The following TERF2 variants were observed in gnomAD, a reference collection of about 807,000 sequenced individuals.
The protein encoded by TERF2 is telomeric repeat-binding factor 2.
Under a neutral mutation model 56.1 loss-of-function variants are expected in TERF2, and 16 were observed. The observed-to-expected ratio is 0.29, with a 90% CI of 0.19 to 0.43. The LOEUF is 0.43. Among genes scored for constraint, TERF2 ranks in the 20% least tolerant of loss-of-function variants. The probability of loss-of-function intolerance (pLI) is 1.00; values close to 1 mark genes in which losing one functional copy is unlikely to be tolerated. For synonymous variants in TERF2, 296 were observed against 282.1 expected, an observed-to-expected ratio of 1.05 and a Z score of -0.50; for missense variants, 547 against 712.9, an observed-to-expected ratio of 0.77 and a Z score of 2.65.
At chr16:69,375,089 T>C (rs967592971) in intron 3 of TERF2, among the ~76,000 whole-genome samples, 1 of 152,186 alleles carries the variant, frequency 6.6e-6, no homozygotes, top group East Asian at 1.9e-4. Context: ...ACACTATCAA[T>C]AGTTCACTTT....
intron 7 of TERF2, chr16:69,365,880 G>A (rs2013325682): frequency 6.6e-6 from 1 of 152,150 alleles, no homozygotes; most frequent in African/African-American, 2.4e-5. Context: ...TACAGGCCAT[G>A]GGCTTTTCTG....
At chr16:69,360,707 A>G (rs1240865047) in intron 8 of TERF2, among the ~76,000 whole-genome samples, 3 of 146,920 alleles carry the variant, frequency 2.0e-5, no homozygotes, top group African/African-American at 7.5e-5. Flanking sequence ...CCCTGTCTCA[A>G]AAAAAAAAAA....
intron 3 of TERF2, among the ~76,000 whole-genome samples, chr16:69,376,698 A>AT (rs1361083854): frequency 6.6e-6 from 1 of 151,198 alleles, no homozygotes; most frequent in African/African-American, 2.4e-5. Context: ...TACCAAAAAA[A>AT]AAAAAAAAAA....
At chr16:69,362,072 C>A (rs1050274056) in intron 7 of TERF2, among the ~76,000 whole-genome samples, 2 of 151,674 alleles carry the variant, frequency 1.3e-5, no homozygotes, top group African/African-American at 4.8e-5. Flanking sequence ...ACAGTGGCAT[C>A]TATATGCCTG....
At chr16:69,374,951 T>C (rs1361970290) in intron 3 of TERF2, among the ~76,000 whole-genome samples, 1 of 151,814 alleles carries the variant, frequency 6.6e-6, no homozygotes, top group African/African-American at 2.4e-5. Context: ...GGCAACAGAG[T>C]GAGACTCCGT....
intron 7 of TERF2, chr16:69,366,367 A>T (rs1305297999): frequency 6.1e-6 from 1 of 163,296 alleles, no homozygotes; most frequent in Non-Finnish European, 1.3e-5. Context: ...ATGGGAGATT[A>T]GTAAGTATTC....
chr16:69,375,559 T>C (rs1292859406), intron 3 of TERF2, among the ~76,000 whole-genome samples: 2 of 152,244 alleles, frequency 1.3e-5, no homozygotes, highest in East Asian at 1.9e-4. Flanking sequence ...AAATTGCACA[T>C]ACTTATGTAC....
chr16:69,382,652 T>C (rs2014046094), intron 3 of TERF2, among the ~76,000 whole-genome samples: 1 of 152,192 alleles, frequency 6.6e-6, no homozygotes, highest in African/African-American at 2.4e-5. Context: ...AAAGCTGCCA[T>C]GTTGCAAGCA....
intron 8 of TERF2, among the ~76,000 whole-genome samples, chr16:69,357,790 C>T (rs576069279): frequency 1.3e-5 from 2 of 151,954 alleles, no homozygotes; most frequent in Non-Finnish European, 2.9e-5. Flanking sequence ...AACAGGCATC[C>T]GTAAATGCTG....
At chr16:69,380,959 G>A (rs1466646276) in intron 3 of TERF2, among the ~76,000 whole-genome samples, 1 of 151,318 alleles carries the variant, frequency 6.6e-6, no homozygotes, top group Non-Finnish European at 1.5e-5. Flanking sequence ...CCACCACCAC[G>A]CCTGGCTAAT....
chr16:69,355,842 T>A lies in TERF2; in HGVS notation c.*1056A>T, dbSNP rs1040916689. On this transcript the variant is annotated 3_prime_UTR_variant, in exon 10 of 10. Transcript: ENST00000254942. ...AATTAGGCATTTATATTCAATCGGA[T>A]TTTTTTTAAGCTTTAAAAGTCCAGC... The A allele has an allele frequency of 1.2e-5, 2 of 161,086 alleles. No individual in the cohort carries two copies. Among genetic ancestry groups the A allele is most frequent in the African/African-American group, 2.4e-5 (1 of 41,410 alleles). 10.0% of individuals were successfully genotyped at this position (161,086 alleles called of 1,614,324 possible).
chr16:69,380,222 G>C (rs924633473), intron 3 of TERF2, among the ~76,000 whole-genome samples: 3 of 151,966 alleles, frequency 2.0e-5, no homozygotes, highest in African/African-American at 7.3e-5. Flanking sequence ...CCTTGGTTAA[G>C]GCATTTTTAA....
intron 3 of TERF2, among the ~76,000 whole-genome samples, chr16:69,376,881 C>G: frequency 9.4e-6 from 1 of 106,342 alleles, no homozygotes; most frequent in African/African-American, 4.0e-5. Flanking sequence ...AAAAAAAAAA[C>G]TGAGAAAAAG....
At chr16:69,384,482 C>G (rs2014116264) in intron 3 of TERF2, 98 bp downstream of exon 3, 1 of 1,279,072 alleles carries the variant, frequency 7.8e-7, no homozygotes. Flanking sequence ...CTCCCCATTG[C>G]TGTTTTCCTC....
intron 7 of TERF2, chr16:69,364,876 C>A (rs1482341030): frequency 1.3e-5 from 2 of 152,206 alleles, no homozygotes; most frequent in Non-Finnish European, 2.9e-5. Flanking sequence ...ATAGTATTTT[C>A]ACTTTGCAAG....
At chr16:69,382,723 G>A (rs2014049068) in intron 3 of TERF2, among the ~76,000 whole-genome samples, 1 of 152,220 alleles carries the variant, frequency 6.6e-6, no homozygotes, top group Admixed American at 6.5e-5. Flanking sequence ...AGGAAAGTGA[G>A]TCTTGTTAAC....
At chr16:69,361,260 C>T (rs2142710475) in intron 8 of TERF2, 144 bp downstream of exon 8, 4 of 625,234 alleles carry the variant, frequency 6.4e-6, no homozygotes, top group South Asian at 6.0e-5. Context: ...AAAACTGATT[C>T]TTCATGAATT....
At chr16:69,383,775 T>A (rs2014087791) in intron 3 of TERF2, among the ~76,000 whole-genome samples, 1 of 152,208 alleles carries the variant, frequency 6.6e-6, no homozygotes, top group South Asian at 2.1e-4. Flanking sequence ...ATCTTTGGGA[T>A]CCCATCCTTT....
At chr16:69,377,070 G>A (rs944898676) in intron 3 of TERF2, among the ~76,000 whole-genome samples, 14 of 151,838 alleles carry the variant, frequency 9.2e-5, no homozygotes, top group Admixed American at 2.6e-4. Flanking sequence ...AGGTGCGGTG[G>A]CACATGCCTG....
Sources: allele counts gnomAD v4.1 joint callset (sites outside exome capture counted in the v4.1 genomes callset), GRCh38; gene constraint gnomAD v4.1.1; transcripts MANE v1.5; gene names NCBI Gene and HGNC (gene_info 2026-07-23, HGNC 2026-07-21).